MTMR9: variants seen among roughly 807,000 people sequenced by gnomAD.
The protein encoded by MTMR9 is myotubularin related protein 9, also known as myotubularin-related protein 9.
A neutral mutation model predicts 69.5 loss-of-function variants in MTMR9; 39 were observed. The observed-to-expected ratio is 0.56, with a 90% CI of 0.43 to 0.73. MTMR9 has a LOEUF of 0.73. Among genes scored for constraint, MTMR9 ranks in the 30% least tolerant of loss-of-function variants. The pLI is 0.00. For missense variants in MTMR9, 900 were observed against 671.2 expected (o/e 1.34, Z -3.77); for synonymous variants, 354 against 240.8 (o/e 1.47, Z -4.35).
At chr8:11,293,648 T>C (rs1201297528) in intron 1 of MTMR9, among the ~76,000 whole-genome samples, 1 of 152,168 alleles carries the variant, frequency 6.6e-6, no homozygotes, top group Non-Finnish European at 1.5e-5. Context: ...GTCACAAATA[T>C]TTTCTCTCAT....
chr8:11,309,400 G>A, intron 5 of MTMR9, 127 bp from the exon 6 acceptor site: 1 of 749,832 alleles, frequency 1.3e-6, no homozygotes, highest in Non-Finnish European at 2.1e-6. Flanking sequence ...TTATAGCAGG[G>A]TAAATATTTT....
At chr8:11,285,277 G>T in intron 1 of MTMR9, 2 of 526,874 alleles carry the variant, frequency 3.8e-6, no homozygotes, top group Admixed American at 3.7e-5. Flanking sequence ...GAGTTCTCAG[G>T]GTTATCGTGT....
At chr8:11,329,415 C>T (rs961719707), downstream of MTMR9, among the ~76,000 whole-genome samples, 2 of 152,338 alleles carry the variant, frequency 1.3e-5, no homozygotes, top group Non-Finnish European at 1.5e-5. Flanking sequence ...ACCTCCCTGC[C>T]TGATTCTCCT....
downstream of MTMR9, among the ~76,000 whole-genome samples, chr8:11,329,325 C>T (rs1401958299): frequency 6.6e-6 from 1 of 152,186 alleles, no homozygotes; most frequent in Non-Finnish European, 1.5e-5. Flanking sequence ...CCCAGGAGTT[C>T]CCTCTCCCTC....
chr8:11,336,553 C>G, the MTMR9 span, among the ~76,000 whole-genome samples: 2 of 152,194 alleles, frequency 1.3e-5, no homozygotes, highest in African/African-American at 2.4e-5. Context: ...TTACAATTTC[C>G]TGGGCAGCCA....
Position 11,322,752 on chromosome 8 carries a change from A to C in MTMR9, c.1614A>C (p.Glu538Asp). The change falls in exon 10 of 10, where the codon GAA (glutamate) becomes GAC (aspartate). Residue 538 changes from glutamate to aspartate, a missense_variant. By Grantham distance (45) the Glu-to-Asp change is conservative (BLOSUM62 2). Coordinates refer to ENST00000221086, the MANE Select transcript of MTMR9 (RefSeq NM_015458.4). ...KVNILRRQLAELETEDGMQES... is the reference protein window; with the variant it reads ...KVNILRRQLADLETEDGMQES... ...ATATCCTTCGAAGGCAGTTGGCAGA[A>C]CTGGAAACAGAGGACGGGATGCAGG... 3 of 1,614,084 alleles carry C rather than the reference A, an allele frequency of 1.9e-6. No individual in the cohort carries two copies. Among genetic ancestry groups the C allele is most frequent in the African/African-American group, 1.3e-5 (1 of 75,046 alleles).
intron 1 of MTMR9, among the ~76,000 whole-genome samples, chr8:11,294,171 A>G (rs1229046271): frequency 6.6e-6 from 1 of 152,236 alleles, no homozygotes; most frequent in East Asian, 1.9e-4. Flanking sequence ...CATTTACACA[A>G]TCGTCATCTG....
downstream of MTMR9, chr8:11,330,866 T>C: frequency 1.3e-6 from 1 of 742,796 alleles, no homozygotes; most frequent in Middle Eastern, 4.0e-4. Flanking sequence ...TATTGTCCTA[T>C]GACCCTGCCA....
rs1431196451 is a variant in MTMR9 at position 11,284,834 on chromosome 8, G to T, written c.-55G>T. On this transcript the variant is annotated 5_prime_UTR_variant, in exon 1 of 10. Coordinates refer to ENST00000221086, the MANE Select transcript of MTMR9 (RefSeq NM_015458.4). ...TGTTTCCGCTACTTCCCTGCGGCGG[G>T]GTAACCGCCTCGCACCTACCGGGCT... 6.8e-7 allele frequency: 1 copy of T among 1,480,706 alleles called. No individual in the cohort carries two copies. Among genetic ancestry groups the T allele is most frequent in the South Asian group, 1.3e-5 (1 of 78,040 alleles). The allele number at this position is 1,480,706 out of a possible 1,614,324, so 91.7% of individuals were successfully genotyped here.
intron 4 of MTMR9, among the ~76,000 whole-genome samples, chr8:11,305,403 C>T (rs780896473): frequency 1.3e-5 from 2 of 152,106 alleles, no homozygotes; most frequent in Non-Finnish European, 1.5e-5. Flanking sequence ...GTGGAGCAGA[C>T]GTATTTATTT....
rs997473797 is a variant in MTMR9, at chr8:11,327,317, C to G, written c.*4529C>G. On this transcript the variant is annotated 3_prime_UTR_variant, in exon 10 of 10. Transcript: ENST00000221086. Reference sequence around the variant, plus strand: ...ATAATGAGGCTCACTGTAAACACTACATTGTCCTGCAAAGTAATTCTGATG... The same window carrying G: ...ATAATGAGGCTCACTGTAAACACTAGATTGTCCTGCAAAGTAATTCTGATG... 2 of 152,214 alleles carry G rather than the reference C, an allele frequency of 1.3e-5. No individual in the cohort carries two copies. Among genetic ancestry groups the G allele is most frequent in the East Asian group, 3.8e-4 (2 of 5,200 alleles). 9.4% of individuals were successfully genotyped at this position (152,214 alleles called of 1,614,324 possible).
At chr8:11,322,386 G>C (rs1423748345) in intron 9 of MTMR9, among the ~76,000 whole-genome samples, 1 of 152,136 alleles carries the variant, frequency 6.6e-6, no homozygotes, top group Non-Finnish European at 1.5e-5. Context: ...GGATATTTCT[G>C]AAGAATCAAT....
intron 2 of MTMR9, 150 bp downstream of exon 2, chr8:11,295,452 A>G (rs546598474): frequency 8.5e-6 from 5 of 587,968 alleles, no homozygotes; most frequent in African/African-American, 1.9e-5. Context: ...GTTCATCGTC[A>G]TATGAGTGTA....
intron 1 of MTMR9, among the ~76,000 whole-genome samples, chr8:11,286,153 CA>C (rs1246704481): frequency 2.6e-5 from 4 of 151,526 alleles, no homozygotes; most frequent in Non-Finnish European, 5.9e-5. Context: ...GGGGTTTCAC[CA>C]TATTGACCAG....
At chr8:11,297,133 AT>A (rs1466887163) in intron 2 of MTMR9, among the ~76,000 whole-genome samples, 1 of 152,212 alleles carries the variant, frequency 6.6e-6, no homozygotes, top group African/African-American at 2.4e-5. Context: ...TGTGTAACTA[AT>A]CTGGACTTTG....
chr8:11,333,016 C>T (rs1801292346), downstream of MTMR9, among the ~76,000 whole-genome samples: 1 of 152,116 alleles, frequency 6.6e-6, no homozygotes, highest in Non-Finnish European at 1.5e-5. Context: ...GAATAGACTT[C>T]AAGACTTGTA....
At chr8:11,315,420 G>A (rs569612204) in intron 7 of MTMR9, among the ~76,000 whole-genome samples, 118 of 152,274 alleles carry the variant, frequency 7.7e-4, no homozygotes, top group African/African-American at 2.6e-3. Flanking sequence ...CAAGGAAAGC[G>A]CTTTAACCCT....
chr8:11,319,467 G>C, intron 8 of MTMR9: 1 of 529,028 alleles, frequency 1.9e-6, no homozygotes, highest in Non-Finnish European at 3.3e-6. Flanking sequence ...CCAGCTTCTT[G>C]GAAGCCTGTA....
chr8:11,308,154 T>G (rs1466694073), intron 5 of MTMR9, among the ~76,000 whole-genome samples: 1 of 152,218 alleles, frequency 6.6e-6, no homozygotes, highest in African/African-American at 2.4e-5. Flanking sequence ...TGTTTTCCTC[T>G]AATGATTTTT....
Sources: gnomAD v4.1 joint callset for allele counts (sites outside exome capture counted in the v4.1 genomes callset) on GRCh38, gnomAD v4.1.1 for gene constraint, MANE v1.5 for transcripts, NCBI Gene and HGNC (gene_info 2026-07-23, HGNC 2026-07-21) for gene names.